Variants in EVA1A observed in about 807,000 individuals in gnomAD.
The protein encoded by EVA1A is protein eva-1 homolog A.
In EVA1A, 7 loss-of-function variants were observed where a neutral mutation model predicts 9.8. The observed-to-expected ratio is 0.71, with a 90% CI of 0.41 to 1.34. The LOEUF is 1.34. EVA1A is among the 40% of genes most tolerant of loss of function. EVA1A has a pLI of 0.01. For synonymous variants in EVA1A, 90 were observed against 85.6 expected, an observed-to-expected ratio of 1.05 and a Z score of -0.28; for missense variants, 206 against 205.9, an observed-to-expected ratio of 1.00 and a Z score of 0.00.
intron 3 of EVA1A, among the ~76,000 whole-genome samples, chr2:75,495,289 G>A (rs2103765464): frequency 6.6e-6 from 1 of 152,334 alleles, no homozygotes; most frequent in African/African-American, 2.4e-5. Flanking sequence ...AATGATGGAA[G>A]CACATTGTGG....
chr2:75,549,864 CA>C (rs763224499), intron 1 of EVA1A, among the ~76,000 whole-genome samples: 2 of 152,164 alleles, frequency 1.3e-5, no homozygotes, highest in Non-Finnish European at 2.9e-5. Flanking sequence ...CCAAGAAGAG[CA>C]AAGATGCCAT....
chr2:75,518,416 T>G (rs1463481761), intron 2 of EVA1A, among the ~76,000 whole-genome samples: 1 of 152,102 alleles, frequency 6.6e-6, no homozygotes, highest in Non-Finnish European at 1.5e-5. Context: ...ATCCTTCAAT[T>G]GCTTGTGAAA....
rs141310557 is a variant in EVA1A at position 75,497,512 on chromosome 2, T to C, written c.86-3903A>G. Among the ~76,000 whole-genome samples the C allele has an allele frequency of 2.0e-3, 297 of 152,022 alleles. 3 individuals carry two copies. The highest frequency in any genetic ancestry group is 2.7e-3 in the Non-Finnish European group (184 of 67,976). On this transcript the variant is annotated intron_variant, in intron 3 of 3. Coordinates refer to ENST00000393913, the MANE Select transcript of EVA1A (RefSeq NM_001135032.2). ...CATCTCGCGCCAGTCAGAATGGCCA[T>C]TATTAAAAGTAAAAAAATACCATGT... is the stretch of plus-strand genomic sequence containing the variant.
intron 3 of EVA1A, among the ~76,000 whole-genome samples, chr2:75,496,718 A>C (rs562143179): frequency 1.3e-5 from 2 of 152,346 alleles, no homozygotes; most frequent in Admixed American, 1.3e-4. Flanking sequence ...AGAGCGTTCA[A>C]ATAGCCAAAG....
rs765840287 is a variant in EVA1A, at chr2:75,493,570, A to C, written c.125T>G (p.Val42Gly). The change falls in exon 4 of 4, where the codon GTG becomes GGG. Residue 42 changes from valine to glycine, a missense_variant. Transcript: ENST00000393913. ...ERAALYFVSG[V>G]CIGLVLTLAA... Reference sequence around the variant, plus strand: ...CAGGGTCAGCACCAGCCCGATGCACACGCCAGAAACAAAGTACAGAGCTGC... The same window carrying C: ...CAGGGTCAGCACCAGCCCGATGCACCCGCCAGAAACAAAGTACAGAGCTGC... 1 of 1,613,018 alleles carries C rather than the reference A, an allele frequency of 6.2e-7. No individual in the cohort carries two copies. The highest frequency in any genetic ancestry group is 8.5e-7 in the Non-Finnish European group (1 of 1,179,396).
chr2:75,520,054 C>T (rs995826565), intron 2 of EVA1A, among the ~76,000 whole-genome samples: 5 of 152,288 alleles, frequency 3.3e-5, no homozygotes, highest in African/African-American at 7.2e-5. Context: ...TTCACAATAT[C>T]TGACCTCTGC....
chr2:75,551,987 C>T (rs980524322), intron 1 of EVA1A, among the ~76,000 whole-genome samples: 1 of 152,022 alleles, frequency 6.6e-6, no homozygotes, highest in African/African-American at 2.4e-5. Context: ...TCAAAACCAG[C>T]CTGGTCAACA....
chr2:75,518,697 C>T (rs558841641), intron 2 of EVA1A: 11 of 987,196 alleles, frequency 1.1e-5, no homozygotes, highest in East Asian at 1.1e-4. Flanking sequence ...CACAGCCCAT[C>T]GGGTTCAAAT....
chr2:75,500,726 C>T (rs1256165164), intron 3 of EVA1A, among the ~76,000 whole-genome samples: 1 of 151,842 alleles, frequency 6.6e-6, no homozygotes, highest in African/African-American at 2.4e-5. Context: ...CCCTCTCTCC[C>T]TTCCTCCCTC....
At chr2:75,533,812 T>C (rs1558684922) in intron 1 of EVA1A, among the ~76,000 whole-genome samples, 1 of 151,314 alleles carries the variant, frequency 6.6e-6, no homozygotes, top group African/African-American at 2.4e-5. Context: ...TTATTATTTA[T>C]TTATTTATTT....
chr2:75,501,641 T>C (rs1286053794), intron 3 of EVA1A, among the ~76,000 whole-genome samples: 4 of 152,170 alleles, frequency 2.6e-5, no homozygotes, highest in Non-Finnish European at 5.9e-5. Context: ...ATGCCACAGC[T>C]TTTCTGAGCT....
rs1446117286 is a variant in EVA1A, at chr2:75,492,613, T to A, written c.*623A>T. 6.6e-6 allele frequency: 1 copy of A among 152,648 alleles called. No individual in the cohort carries two copies. Among genetic ancestry groups the A allele is most frequent in the East Asian group, 1.9e-4 (1 of 5,200 alleles). 9.5% of individuals were successfully genotyped at this position (152,648 alleles called of 1,614,324 possible). A position where few individuals can be genotyped will look rare whatever the true frequency, so the allele number is the denominator to read the frequency against. On this transcript the variant is annotated 3_prime_UTR_variant, in exon 4 of 4. Coordinates refer to ENST00000393913, the MANE Select transcript of EVA1A (RefSeq NM_001135032.2). ...AGGTTATTGACATTTTCTAGTTCAC[T>A]GACACATCTCCCATAATACAATAGT...
intron 1 of EVA1A, among the ~76,000 whole-genome samples, chr2:75,567,646 C>A (rs534815515): frequency 6.6e-6 from 1 of 152,208 alleles, no homozygotes; most frequent in Non-Finnish European, 1.5e-5. Context: ...ATCCATTCTT[C>A]CATTCATAGA....
intron 3 of EVA1A, among the ~76,000 whole-genome samples, chr2:75,504,901 C>T (rs1209118549): frequency 6.6e-6 from 1 of 152,158 alleles, no homozygotes; most frequent in Admixed American, 6.5e-5. Context: ...CACCATGGCA[C>T]ATGTATACCT....
upstream of EVA1A, among the ~76,000 whole-genome samples, chr2:75,564,716 C>T (rs550216411): frequency 6.6e-6 from 1 of 152,342 alleles, no homozygotes; most frequent in South Asian, 2.1e-4. Flanking sequence ...CACCACCGAT[C>T]AGCTACTGTT....
intron 2 of EVA1A, among the ~76,000 whole-genome samples, chr2:75,519,161 G>A (rs1034456935): frequency 1.3e-5 from 2 of 152,238 alleles, no homozygotes; most frequent in Admixed American, 6.5e-5. Context: ...GCTTTACAGA[G>A]AGCTCCTGGG....
intron 1 of EVA1A, among the ~76,000 whole-genome samples, chr2:75,546,907 CA>C (rs751386318): frequency 0.021 from 1,423 of 66,844 alleles, 7 homozygotes; most frequent in East Asian, 0.038. Flanking sequence ...ATCAATAGGC[CA>C]AAAAAAAAAA....
intron 2 of EVA1A, among the ~76,000 whole-genome samples, chr2:75,520,643 G>A (rs976933690): frequency 5.3e-5 from 8 of 152,100 alleles, no homozygotes; most frequent in East Asian, 1.9e-4. Flanking sequence ...GGATGTCCAC[G>A]TGCAAAAGGA....
intron 1 of EVA1A, among the ~76,000 whole-genome samples, chr2:75,523,314 G>A (rs1675297270): frequency 6.6e-6 from 1 of 152,232 alleles, no homozygotes; most frequent in South Asian, 2.1e-4. Context: ...ATGGGTAACT[G>A]TCTACAGACT....
Sources: gnomAD v4.1 joint callset for allele counts (sites outside exome capture counted in the v4.1 genomes callset) on GRCh38, gnomAD v4.1.1 for gene constraint, MANE v1.5 for transcripts, NCBI Gene and HGNC (gene_info 2026-07-23, HGNC 2026-07-21) for gene names.